The following TTC6 variants were observed in gnomAD, a reference collection of about 807,000 sequenced individuals.
TTC6 encodes the protein tetratricopeptide repeat domain 6.
In TTC6, 172 loss-of-function variants were observed where a neutral mutation model predicts 210.4. The ratio of observed to expected loss-of-function variants is 0.82; its 90% CI spans 0.72 to 0.93. The LOEUF (loss-of-function observed/expected upper bound fraction) is 0.93, where lower values mean the gene tolerates loss of function less well. Among genes scored for constraint, TTC6 ranks in the 40% least tolerant of loss-of-function variants. The pLI is 0.00. For missense variants in TTC6, 2,414 were observed against 2,318.1 expected (o/e 1.04, Z -0.85); for synonymous variants, 804 against 819.6 (o/e 0.98, Z 0.32).
At chr14:37,658,525 G>A (rs538463996) in intron 1 of TTC6, among the ~76,000 whole-genome samples, 3 of 152,154 alleles carry the variant, frequency 2.0e-5, no homozygotes, top group Non-Finnish European at 4.4e-5. Flanking sequence ...GCTGAATAAT[G>A]TACACACATG....
chr14:37,793,589 C>CT (rs2096085502), intron 17 of TTC6, among the ~76,000 whole-genome samples: 2 of 152,300 alleles, frequency 1.3e-5, no homozygotes, highest in Non-Finnish European at 2.9e-5. Flanking sequence ...GTTCTTGACT[C>CT]TGTCAGGGAA....
chr14:37,722,522 A>T (rs898104649), intron 6 of TTC6, among the ~76,000 whole-genome samples: 2 of 152,020 alleles, frequency 1.3e-5, no homozygotes, highest in Non-Finnish European at 2.9e-5. Context: ...TAATTTTTAA[A>T]TTTTTTTGTA....
chr14:37,712,919 T>G (rs571168317), intron 5 of TTC6, among the ~76,000 whole-genome samples: 1 of 152,174 alleles, frequency 6.6e-6, no homozygotes, highest in East Asian at 1.9e-4. Context: ...TTAAAATCAA[T>G]GAGAGGGTTA....
intron 5 of TTC6, among the ~76,000 whole-genome samples, chr14:37,704,389 C>G (rs1469559015): frequency 6.6e-6 from 1 of 152,116 alleles, no homozygotes; most frequent in Non-Finnish European, 1.5e-5. Flanking sequence ...TATGGTGACA[C>G]TATTTATGCC....
intron 1 of TTC6, among the ~76,000 whole-genome samples, chr14:37,625,591 G>T (rs994840807): frequency 6.6e-6 from 1 of 151,404 alleles, no homozygotes; most frequent in Non-Finnish European, 1.5e-5. Context: ...TATAAAAGTC[G>T]TGTCCAAATT....
At chr14:37,775,404 C>G (rs769029400) in intron 14 of TTC6, among the ~76,000 whole-genome samples, 38 of 152,140 alleles carry the variant, frequency 2.5e-4, no homozygotes, top group Admixed American at 2.6e-4. Flanking sequence ...TTAGCTGTAT[C>G]CCAGAGATTC....
intron 26 of TTC6, 54 bp downstream of exon 28, chr14:37,817,705 C>G (rs1046779635): frequency 4.6e-6 from 7 of 1,510,686 alleles, no homozygotes; most frequent in Non-Finnish European, 6.4e-6. Flanking sequence ...TCAGACTTAT[C>G]TAATTATCAC....
chr14:37,626,074 C>T (rs921954097), intron 1 of TTC6, among the ~76,000 whole-genome samples: 1 of 152,120 alleles, frequency 6.6e-6, no homozygotes, highest in African/African-American at 2.4e-5. Context: ...AAAAATGTCT[C>T]TAGATGTTGC....
At chr14:37,734,866 A>G (rs2095897402) in intron 7 of TTC6, among the ~76,000 whole-genome samples, 1 of 152,170 alleles carries the variant, frequency 6.6e-6, no homozygotes, top group Non-Finnish European at 1.5e-5. Flanking sequence ...CAGTTTTGAT[A>G]TCTATGAAGC....
intron 5 of TTC6, among the ~76,000 whole-genome samples, chr14:37,701,903 T>C (rs974616771): frequency 3.3e-5 from 5 of 152,196 alleles, no homozygotes; most frequent in African/African-American, 1.2e-4. Flanking sequence ...ACCCAGTCTT[T>C]TGAACTAGAT....
chr14:37,755,155 CAT>C (rs1251590148), intron 14 of TTC6, among the ~76,000 whole-genome samples: 2 of 151,916 alleles, frequency 1.3e-5, no homozygotes, highest in East Asian at 3.9e-4. Context: ...ATCTTTTTTT[CAT>C]ATGTTTGTTG....
At chr14:37,717,169 CA>C (rs1274265858) in intron 6 of TTC6, among the ~76,000 whole-genome samples, 1 of 150,870 alleles carries the variant, frequency 6.6e-6, no homozygotes, top group Non-Finnish European at 1.5e-5. Flanking sequence ...AAGAACCCCC[CA>C]AAAAAAGAGC....
chr14:37,730,468 G>A (rs1039118850), intron 7 of TTC6, among the ~76,000 whole-genome samples: 1 of 152,096 alleles, frequency 6.6e-6, no homozygotes, highest in East Asian at 1.9e-4. Flanking sequence ...TGCCACATTG[G>A]AGACCATTAA....
intron 1 of TTC6, among the ~76,000 whole-genome samples, chr14:37,646,430 A>C (rs771231911): frequency 6.6e-6 from 1 of 152,152 alleles, no homozygotes; most frequent in Non-Finnish European, 1.5e-5. Context: ...ACCTTGGAAG[A>C]CATATCTTTC....
intron 1 of TTC6, among the ~76,000 whole-genome samples, chr14:37,628,213 TC>T (rs1234947193): frequency 1.2e-4 from 19 of 152,208 alleles, no homozygotes; most frequent in Non-Finnish European, 2.9e-5. Context: ...ACTCAGGTGA[TC>T]CGCCCACCTT....
At chr14:37,796,668 T>C (rs1207935480) in intron 19 of TTC6, 119 bp from the exon 22 acceptor site, 4 of 921,290 alleles carry the variant, frequency 4.3e-6, no homozygotes, top group African/African-American at 1.7e-5. Context: ...AATTTTATAA[T>C]TTATTGATTT....
chr14:37,630,185 T>C (rs2095666967), intron 1 of TTC6, among the ~76,000 whole-genome samples: 1 of 152,210 alleles, frequency 6.6e-6, no homozygotes, highest in Non-Finnish European at 1.5e-5. Context: ...GTATAGATTT[T>C]AGATCTTTCC....
chr14:37,793,267 G>A (rs61977158), intron 17 of TTC6, among the ~76,000 whole-genome samples: 24,866 of 152,170 alleles, frequency 0.16, 2,223 homozygotes, highest in East Asian at 0.37. Context: ...CCCCACAGGA[G>A]CTAGCTTCTA....
chr14:37,659,986 A>T (rs2095733805), intron 1 of TTC6, among the ~76,000 whole-genome samples: 1 of 152,160 alleles, frequency 6.6e-6, no homozygotes, highest in South Asian at 2.1e-4. Flanking sequence ...AGTTCCTTAT[A>T]GATGCTACAT....
Sources: allele counts gnomAD v4.1 joint callset (sites outside exome capture counted in the v4.1 genomes callset), GRCh38; gene constraint gnomAD v4.1.1; transcripts MANE v1.5; gene names NCBI Gene and HGNC (gene_info 2026-07-23, HGNC 2026-07-21).